EYS: variants seen among roughly 807,000 people sequenced by gnomAD.
EYS encodes the protein EGF-like photoreceptor maintenance factor, also known as protein eyes shut homolog.
Under a neutral mutation model 282.1 loss-of-function variants are expected in EYS, and 250 were observed. The observed-to-expected ratio is 0.89, with a 90% confidence interval of 0.80 to 0.98. The LOEUF (loss-of-function observed/expected upper bound fraction) is 0.98, where lower values mean the gene tolerates loss of function less well. Among genes scored for constraint, EYS ranks in the 50% least tolerant of loss-of-function variants. The probability of loss-of-function intolerance (pLI) is 0.00; values close to 1 mark genes in which losing one functional copy is unlikely to be tolerated. For missense variants in EYS, 4,016 were observed against 3,709.0 expected (o/e 1.08, Z -2.15); for synonymous variants, 1,355 against 1,282.9 (o/e 1.06, Z -1.20).
intron 40 of EYS, among the ~76,000 whole-genome samples, chr6:63,775,543 A>G (rs1427390354): frequency 6.6e-6 from 1 of 152,208 alleles, no homozygotes; most frequent in Non-Finnish European, 1.5e-5. Flanking sequence ...AGCTGTCTAT[A>G]AGGCTACCTA....
chr6:64,260,556 T>A (rs1201094927), intron 30 of EYS, among the ~76,000 whole-genome samples: 1 of 152,090 alleles, frequency 6.6e-6, no homozygotes, highest in Non-Finnish European at 1.5e-5. Flanking sequence ...AGGACTGATG[T>A]AAACATCTAT....
chr6:63,781,046 A>G (rs978022129), intron 39 of EYS, among the ~76,000 whole-genome samples: 1 of 152,222 alleles, frequency 6.6e-6, no homozygotes, highest in Non-Finnish European at 1.5e-5. Flanking sequence ...TTTGTCAAAG[A>G]TCAGATGGTT....
chr6:65,497,815 C>A (rs1293744157), intron 2 of EYS, among the ~76,000 whole-genome samples: 1 of 151,954 alleles, frequency 6.6e-6, no homozygotes, highest in Non-Finnish European at 1.5e-5. Context: ...ATGTTGAGGA[C>A]CAACATGTTG....
In EYS at chr6:64,025,510, G is replaced by A. The variant is rs760292818; in HGVS notation, c.6726-26327C>T. Among the ~76,000 whole-genome samples the A allele has an allele frequency of 6.0e-4, 92 of 152,118 alleles. 2 individuals are homozygous for A. The highest frequency in any genetic ancestry group is 2.8e-4 in the Non-Finnish European group (19 of 68,036). ...GAGGTTAGTCCTCCTTCTAAAAATT[G>A]CTACCTGTCTCTGGTGCTTTTCTAG... On this transcript the variant is annotated intron_variant, in intron 33 of 42. Transcript: ENST00000503581.
At chr6:65,476,744 T>C (rs1765422598) in intron 5 of EYS, among the ~76,000 whole-genome samples, 1 of 152,110 alleles carries the variant, frequency 6.6e-6, no homozygotes, top group Non-Finnish European at 1.5e-5. Flanking sequence ...GCCCAGCTAA[T>C]TTTTATATTT....
At chr6:65,201,644 A>T (rs1339151584) in intron 12 of EYS, among the ~76,000 whole-genome samples, 1 of 152,206 alleles carries the variant, frequency 6.6e-6, no homozygotes, top group Non-Finnish European at 1.5e-5. Context: ...TATCTAAAAT[A>T]TATATGGATT....
At chr6:65,227,960 T>C (rs991424870) in intron 12 of EYS, among the ~76,000 whole-genome samples, 1 of 152,026 alleles carries the variant, frequency 6.6e-6, no homozygotes, top group African/African-American at 2.4e-5. Flanking sequence ...GAGTTTCAGT[T>C]TGGGATGATT....
chr6:64,221,109 G>T (rs1365179729), intron 31 of EYS, among the ~76,000 whole-genome samples: 2 of 152,142 alleles, frequency 1.3e-5, no homozygotes, highest in Non-Finnish European at 2.9e-5. Context: ...CATGAAAAGA[G>T]TTTAGGACAG....
chr6:64,753,527 T>C (rs1217081207), intron 22 of EYS, among the ~76,000 whole-genome samples: 1 of 135,848 alleles, frequency 7.4e-6, no homozygotes, highest in Admixed American at 7.3e-5. Context: ...ACAAAAGAGG[T>C]CATCAGATAA....
intron 12 of EYS, among the ~76,000 whole-genome samples, chr6:65,267,443 G>T (rs576483858): frequency 6.6e-6 from 1 of 151,792 alleles, no homozygotes; most frequent in Non-Finnish European, 1.5e-5. Flanking sequence ...TATTTAATTC[G>T]TCATAGTACA....
intron 26 of EYS, among the ~76,000 whole-genome samples, chr6:64,515,131 T>C (rs1174106472): frequency 6.6e-6 from 1 of 151,764 alleles, no homozygotes; most frequent in Non-Finnish European, 1.5e-5. Flanking sequence ...GATAGCAAAT[T>C]TGTGTAAACT....
intron 28 of EYS, among the ~76,000 whole-genome samples, chr6:64,408,349 AC>A (rs1773788713): frequency 6.6e-6 from 1 of 152,108 alleles, no homozygotes; most frequent in South Asian, 2.1e-4. Context: ...ACACTATGCA[AC>A]TCAGCCTCCC....
chr6:64,490,181 G>A (rs1033678212), intron 26 of EYS, among the ~76,000 whole-genome samples: 1 of 150,784 alleles, frequency 6.6e-6, no homozygotes, highest in Non-Finnish European at 1.5e-5. Flanking sequence ...TTGCAATGTA[G>A]GGAACCTGGG....
chr6:65,318,855 T>C (rs1769389035), intron 11 of EYS, among the ~76,000 whole-genome samples: 1 of 149,934 alleles, frequency 6.7e-6, no homozygotes, highest in Admixed American at 6.6e-5. Flanking sequence ...TTGGCCAGGC[T>C]GGTCTCAAAC....
At chr6:64,705,617 C>T (rs2149928969) in intron 22 of EYS, among the ~76,000 whole-genome samples, 1 of 151,598 alleles carries the variant, frequency 6.6e-6, no homozygotes, top group African/African-American at 2.4e-5. Context: ...GAAAATGTGG[C>T]ACATATACAC....
chr6:64,298,073 G>C (rs1222475500), intron 30 of EYS, among the ~76,000 whole-genome samples: 1 of 151,640 alleles, frequency 6.6e-6, no homozygotes, highest in African/African-American at 2.4e-5. Flanking sequence ...TTCCTTGCTA[G>C]AAATGCTCAA....
At chr6:63,727,720 A>AT (rs1251449056) in intron 41 of EYS, among the ~76,000 whole-genome samples, 2 of 91,710 alleles carry the variant, frequency 2.2e-5, no homozygotes, top group African/African-American at 1.3e-4. Context: ...AAAAAAAAAA[A>AT]AAAAAAAAAA....
intron 36 of EYS, among the ~76,000 whole-genome samples, chr6:63,863,536 G>T (rs971739735): frequency 6.6e-6 from 1 of 151,700 alleles, no homozygotes; most frequent in Non-Finnish European, 1.5e-5. Flanking sequence ...TTTATATATT[G>T]CTCTTGATGC....
chr6:64,974,001 A>T (rs1770388798), intron 14 of EYS, among the ~76,000 whole-genome samples: 1 of 151,944 alleles, frequency 6.6e-6, no homozygotes, highest in South Asian at 2.1e-4. Flanking sequence ...ACATTCATTG[A>T]GAAAGAGAAT....
Sources: gnomAD v4.1 joint callset for allele counts (sites outside exome capture counted in the v4.1 genomes callset) on GRCh38, gnomAD v4.1.1 for gene constraint, MANE v1.5 for transcripts, NCBI Gene and HGNC (gene_info 2026-07-23, HGNC 2026-07-21) for gene names.